Variants in RBFOX1 observed in about 807,000 individuals in gnomAD.
The protein encoded by RBFOX1 is RNA binding fox-1 homolog 1, also known as RNA binding protein fox-1 homolog 1.
RBFOX1 carries 8 observed loss-of-function variants against 57.7 expected under a neutral mutation model. That is an observed-to-expected ratio of 0.14 (90% CI 0.08 to 0.25). The LOEUF (loss-of-function observed/expected upper bound fraction) is 0.25. RBFOX1 is among the 10% of genes least tolerant of loss of function. The pLI is 1.00. For missense variants in RBFOX1, 611 were observed against 548.5 expected (o/e 1.11, Z -1.14); for synonymous variants, 326 against 222.4 (o/e 1.47, Z -4.15).
intron 2 of RBFOX1, among the ~76,000 whole-genome samples, chr16:6,324,772 A>T (rs1381701273): frequency 6.6e-6 from 1 of 152,178 alleles, no homozygotes; most frequent in African/African-American, 2.4e-5. Context: ...CTAACTTCGA[A>T]TTTAGAAAGC....
At chr16:6,652,468 T>C (rs374062451) in intron 2 of RBFOX1, among the ~76,000 whole-genome samples, 6 of 150,242 alleles carry the variant, frequency 4.0e-5, no homozygotes, top group Non-Finnish European at 8.9e-5. Flanking sequence ...AAAAAAGCCA[T>C]GGGTCTGTCT....
chr16:6,387,144 G>C (rs1218214742), intron 2 of RBFOX1, among the ~76,000 whole-genome samples: 1 of 152,138 alleles, frequency 6.6e-6, no homozygotes, highest in Non-Finnish European at 1.5e-5. Flanking sequence ...TTTTAGGGTT[G>C]GTGACCCTGA....
At chr16:6,018,009 A>T (rs1013548218), upstream of RBFOX1, among the ~76,000 whole-genome samples, 1 of 152,214 alleles carries the variant, frequency 6.6e-6, no homozygotes, top group Non-Finnish European at 1.5e-5. Flanking sequence ...TTCAGAAGGC[A>T]GGGTGGTGCC....
intron 4 of RBFOX1, among the ~76,000 whole-genome samples, chr16:7,097,542 C>G (rs1339490836): frequency 6.6e-6 from 1 of 152,154 alleles, no homozygotes; most frequent in East Asian, 1.9e-4. Context: ...GGAATCATTT[C>G]TTTCTAGGAT....
rs1272329116 is a variant in RBFOX1, at chr16:5,946,445, A to ACT, written c.351+79111_351+79112insTC. Among the ~76,000 whole-genome samples the ACT allele has an allele frequency of 6.6e-6, 1 of 152,198 alleles. No homozygotes were observed. Among genetic ancestry groups the ACT allele is most frequent in the East Asian group, 1.9e-4 (1 of 5,198 alleles). On this transcript the variant is annotated intron_variant, in intron 4 of 19. Transcript: ENST00000641259. The surrounding 1 kb of genome is among the most constrained non-coding windows in gnomAD (Gnocchi z 4.6). ...ACTCTATCTTGCGACAGAGCCATGA[A>ACT]CAGCTCAGCCAAGATCTCTGCTCTC...
At chr16:5,861,836 T>A (rs887483562) in intron 3 of RBFOX1, among the ~76,000 whole-genome samples, 4 of 152,170 alleles carry the variant, frequency 2.6e-5, no homozygotes, top group African/African-American at 9.7e-5. Flanking sequence ...GCAGAACAGA[T>A]GAAACCAGAA....
intron 3 of RBFOX1, among the ~76,000 whole-genome samples, chr16:5,761,585 C>A (rs1056125625): frequency 1.3e-5 from 2 of 152,094 alleles, no homozygotes; most frequent in African/African-American, 2.4e-5. Context: ...GGGAACTCCC[C>A]TTTATAAAAC....
chr16:6,574,723 G>A (rs1193990483), intron 2 of RBFOX1, among the ~76,000 whole-genome samples: 2 of 136,618 alleles, frequency 1.5e-5, no homozygotes, highest in African/African-American at 5.3e-5. Flanking sequence ...TACCGCGCCC[G>A]GCCCGTATCT....
chr16:5,925,594 C>G (rs966585459), intron 4 of RBFOX1, among the ~76,000 whole-genome samples: 1 of 152,132 alleles, frequency 6.6e-6, no homozygotes, highest in African/African-American at 2.4e-5. Flanking sequence ...TGTGAATGTA[C>G]TAAATGCCAC....
At chr16:6,867,223 G>A (rs1331146782) in intron 3 of RBFOX1, among the ~76,000 whole-genome samples, 1 of 151,790 alleles carries the variant, frequency 6.6e-6, no homozygotes, top group Non-Finnish European at 1.5e-5. Flanking sequence ...TCTTTCTGTA[G>A]GGGAAAAAAA....
chr16:6,243,177 G>C (rs2097549395), intron 1 of RBFOX1, among the ~76,000 whole-genome samples: 1 of 144,490 alleles, frequency 6.9e-6, no homozygotes, highest in Admixed American at 7.1e-5. Context: ...TTTATGTACA[G>C]TTTCCTCTAG....
At chr16:5,599,158 A>G (rs1021131345) in exon 3 of RBFOX1, 4 of 708,680 alleles carry the variant, frequency 5.6e-6, no homozygotes, top group Non-Finnish European at 1.0e-5. Context: ...CCGTATTCCC[A>G]GCCTCTGGTA....
chr16:5,553,713 GTATATA>G (rs2045560136), intron 2 of RBFOX1, among the ~76,000 whole-genome samples: 1 of 149,550 alleles, frequency 6.7e-6, no homozygotes, highest in Admixed American at 6.7e-5. Flanking sequence ...ATATATGTGT[GTATATA>G]CACATATATA....
intron 14 of RBFOX1, among the ~76,000 whole-genome samples, chr16:7,708,493 C>A (rs1208231558): frequency 7.4e-6 from 1 of 134,288 alleles, no homozygotes; most frequent in Non-Finnish European, 1.8e-5. Flanking sequence ...CCAAATCAGT[C>A]TGATTGAATG....
intron 10 of RBFOX1, chr16:7,614,498 T>C (rs1284644710): frequency 6.6e-6 from 1 of 152,208 alleles, no homozygotes; most frequent in Non-Finnish European, 1.5e-5. Context: ...ATAAGATCAG[T>C]ACTTGCTTAT....
In RBFOX1 at chr16:6,355,603, A is replaced by G. The variant is rs1413033366; in HGVS notation, c.-64+38546A>G. On this transcript the variant is annotated intron_variant, in intron 2 of 15. Coordinates refer to ENST00000550418, the MANE Select transcript of RBFOX1 (RefSeq NM_018723.4). ...AGTGACACAATAAACATACATGTGCATATGCCTTTATAGTAGAATGATTTA... is the reference window on the plus strand; with the variant it reads ...AGTGACACAATAAACATACATGTGCGTATGCCTTTATAGTAGAATGATTTA... Among the ~76,000 whole-genome samples the G allele has an allele frequency of 2.0e-5, 3 of 152,338 alleles. No individual in the cohort carries two copies. In the East Asian group the frequency reaches 5.8e-4, roughly 29 times the overall value.
chr16:7,431,765 C>T (rs1030324585), intron 4 of RBFOX1, among the ~76,000 whole-genome samples: 1 of 152,146 alleles, frequency 6.6e-6, no homozygotes, highest in East Asian at 1.9e-4. Context: ...GGTTAAGTGG[C>T]CTGCTTTAGA....
At chr16:5,390,337 G>A (rs2066372152) in intron 1 of RBFOX1, among the ~76,000 whole-genome samples, 1 of 148,498 alleles carries the variant, frequency 6.7e-6, no homozygotes. Flanking sequence ...CACCCAGGCT[G>A]GAGTGCAATG....
chr16:7,706,456 C>G (rs1247750609), intron 14 of RBFOX1, among the ~76,000 whole-genome samples: 1 of 152,146 alleles, frequency 6.6e-6, no homozygotes, highest in Non-Finnish European at 1.5e-5. Flanking sequence ...ATAGAATTTA[C>G]CACTGAAGTA....
Sources: gnomAD v4.1 joint callset for allele counts (sites outside exome capture counted in the v4.1 genomes callset) on GRCh38, gnomAD v4.1.1 for gene constraint, Gnocchi (gnomAD v3.1) non-coding constraint, MANE v1.5 for transcripts, NCBI Gene and HGNC (gene_info 2026-07-23, HGNC 2026-07-21) for gene names.